SPP1: variants seen among roughly 807,000 people sequenced by gnomAD.
The protein encoded by SPP1 is secreted phosphoprotein 1.
Under a neutral mutation model 20.8 loss-of-function variants are expected in SPP1, and 18 were observed. The observed-to-expected ratio is 0.87, with a 90% confidence interval of 0.60 to 1.29. SPP1 has a LOEUF of 1.29. Ranked by LOEUF, SPP1 falls within the 50% of genes most tolerant of loss-of-function variation. The probability of loss-of-function intolerance (pLI) is 0.00; values close to 1 mark genes in which losing one functional copy is unlikely to be tolerated. For missense variants in SPP1, 363 were observed against 389.0 expected (o/e 0.93, Z 0.56); for synonymous variants, 146 against 141.5 (o/e 1.03, Z -0.23).
rs777782327 is a variant in SPP1, at chr4:87,982,587, C to T, written c.636C>T (p.Asn212=). Residue 212 remains asparagine, a synonymous_variant, in exon 7 of 7, where the codon AAC becomes AAT. Transcript: ENST00000395080. ...CCATCCCCGTTGCCCAGGACCTGAA[C>T]GCGCCTTCTGATTGGGACAGCCGTG... The part of the protein sequence containing the change: ...YKAIPVAQDL[N]APSDWDSRGK... The T allele has an allele frequency of 4.3e-6, 7 of 1,614,082 alleles. No homozygotes were observed. The highest frequency in any genetic ancestry group is 2.2e-5 in the East Asian group (1 of 44,870).
In SPP1 at chr4:87,983,231, C is replaced by T. The variant is rs1725736438; in HGVS notation, c.*335C>T. The T allele has an allele frequency of 5.6e-6, 1 of 179,304 alleles. No individual in the cohort carries two copies. The highest frequency in any genetic ancestry group is 1.2e-5 in the Non-Finnish European group (1 of 85,406). 11.1% of individuals were successfully genotyped at this position (179,304 alleles called of 1,614,324 possible). A position where few individuals can be genotyped will look rare whatever the true frequency, so the allele number is the denominator to read the frequency against. ...TTACCCACTTAAAAAGAGAATATAA[C>T]ATTTTATGTCACTATAATCTTTTGT... On this transcript the variant is annotated 3_prime_UTR_variant, in exon 7 of 7. Transcript: ENST00000395080.
chr4:87,979,778 G>A (rs1165267556), intron 3 of SPP1, among the ~76,000 whole-genome samples: 2 of 152,104 alleles, frequency 1.3e-5, no homozygotes, highest in East Asian at 3.9e-4. Context: ...TCTGTAAGGT[G>A]GGAATAATAA....
chr4:87,982,331 C>T lies in SPP1; in HGVS notation c.541-161C>T, dbSNP rs41359348. On this transcript the variant is annotated intron_variant, in intron 6 of 6. Transcript: ENST00000395080. ...AAATGAGATGACATATGTGAAAGGCCTTGGTAAAGTACTATACAAAGTAAC... is the reference window on the plus strand; with the variant it reads ...AAATGAGATGACATATGTGAAAGGCTTTGGTAAAGTACTATACAAAGTAAC... Among the ~76,000 whole-genome samples, 1,463 of 152,070 alleles carry T rather than the reference C, an allele frequency of 9.6e-3. 11 individuals are homozygous for T. The highest frequency in any genetic ancestry group is 0.017 in the Middle Eastern group (5 of 292).
chr4:87,978,388 CTTTTTTTTTTT>C (rs1159455110), intron 3 of SPP1, among the ~76,000 whole-genome samples: 3 of 89,680 alleles, frequency 3.3e-5, no homozygotes, highest in East Asian at 4.1e-4. Context: ...TTTCCGCCTT[CTTTTTTTTTTT>C]TTTTTTTTTT....
chr4:87,980,150 A>G, intron 4 of SPP1, 24 bp downstream of exon 4: 1 of 1,612,884 alleles, frequency 6.2e-7, no homozygotes, highest in Non-Finnish European at 8.5e-7. Context: ...TCTCATAATT[A>G]AACTACAGTG....
chr4:87,980,866 A>T (rs1170382022), intron 5 of SPP1, among the ~76,000 whole-genome samples: 1 of 152,188 alleles, frequency 6.6e-6, no homozygotes, highest in Non-Finnish European at 1.5e-5. Context: ...TTAAGATTCA[A>T]TTTGAATATA....
At position 87,982,536 on chromosome 4, in the gene SPP1, C is replaced by T. The variant is rs555643089; in HGVS notation, c.585C>T (p.Ser195=). 59 of 1,614,056 alleles carry T rather than the reference C, an allele frequency of 3.7e-5. No individual in the cohort carries two copies. Among genetic ancestry groups the T allele is most frequent in the Middle Eastern group, 1.7e-4 (1 of 6,060 alleles). Reference sequence around the variant, plus strand: ...AGGACATCACCTCACACATGGAAAGCGAGGAGTTGAATGGTGCATACAAGG... The same window carrying T: ...AGGACATCACCTCACACATGGAAAGTGAGGAGTTGAATGGTGCATACAAGG... ...TDEDITSHME[S]EELNGAYKAI... is the part of the protein sequence containing the mutation. Residue 195 remains serine, a synonymous_variant, in exon 7 of 7, where the codon AGC becomes AGT. Transcript: ENST00000395080.
At chr4:87,977,625 A>G (rs1032125278) in intron 3 of SPP1, 2 of 1,104,360 alleles carry the variant, frequency 1.8e-6, no homozygotes. Flanking sequence ...ACCAAACATA[A>G]GACCAACCAA....
At chr4:87,977,230 C>A in intron 3 of SPP1, 133 bp downstream of exon 3, 1 of 905,978 alleles carries the variant, frequency 1.1e-6, no homozygotes, top group South Asian at 1.5e-5. Context: ...TGATTGACTG[C>A]CTGCTATGAA....
At chr4:87,979,268 C>T (rs1725545553) in intron 3 of SPP1, among the ~76,000 whole-genome samples, 2 of 150,222 alleles carry the variant, frequency 1.3e-5, no homozygotes, top group South Asian at 4.2e-4. Context: ...GGGTTCACGC[C>T]ATTCTCTTGC....
chr4:87,980,460 C>T, intron 5 of SPP1, 26 bp downstream of exon 5: 1 of 1,612,256 alleles, frequency 6.2e-7, no homozygotes, highest in Non-Finnish European at 8.5e-7. Flanking sequence ...CAATCAGAGG[C>T]CCATCATGCC....
At chr4:87,979,161 CTTTTT>C (rs10596032) in intron 3 of SPP1, among the ~76,000 whole-genome samples, 144 of 107,230 alleles carry the variant, frequency 1.3e-3, no homozygotes, top group Non-Finnish European at 1.9e-3. Flanking sequence ...TTTTTATCTT[CTTTTT>C]TTTTTTTTTT....
At chr4:87,979,233 T>G (rs1354140373) in intron 3 of SPP1, among the ~76,000 whole-genome samples, 2 of 149,462 alleles carry the variant, frequency 1.3e-5, no homozygotes, top group African/African-American at 5.0e-5. Context: ...GGCGCAATCT[T>G]GGCTCACTGC....
intron 5 of SPP1, among the ~76,000 whole-genome samples, 189 bp from the exon 6 acceptor site, chr4:87,981,286 T>C (rs887666336): frequency 6.6e-6 from 1 of 152,212 alleles, no homozygotes; most frequent in African/African-American, 2.4e-5. Flanking sequence ...TTCAGAATGT[T>C]ATTAATCCCT....
chr4:87,982,032 C>G (rs1725670239), intron 6 of SPP1, among the ~76,000 whole-genome samples: 1 of 151,810 alleles, frequency 6.6e-6, no homozygotes, highest in Non-Finnish European at 1.5e-5. Flanking sequence ...TTTTTGAAAT[C>G]CTGGATCACT....
At chr4:87,978,431 C>G (rs1176909012) in intron 3 of SPP1, among the ~76,000 whole-genome samples, 1 of 141,248 alleles carries the variant, frequency 7.1e-6, no homozygotes, top group Non-Finnish European at 1.5e-5. Flanking sequence ...AGTCTCGCTC[C>G]GTCGCCCAGG....
intron 5 of SPP1, among the ~76,000 whole-genome samples, chr4:87,981,179 T>C (rs1725624485): frequency 6.6e-6 from 1 of 152,206 alleles, no homozygotes; most frequent in Admixed American, 6.5e-5. Flanking sequence ...TTAATATGTA[T>C]AAGGAAAAAC....
At position 87,982,798 on chromosome 4, in the gene SPP1, G is replaced by C. The variant is rs867038723; in HGVS notation, c.847G>C (p.Asp283His). The C allele has an allele frequency of 1.2e-6, 2 of 1,614,190 alleles. No homozygotes were observed. The highest frequency in any genetic ancestry group is 8.5e-7 in the Non-Finnish European group (1 of 1,180,024). Residue 283 changes from aspartate to histidine, a missense_variant, in exon 7 of 7, where the codon GAT (aspartate) becomes CAT (histidine). Asp to His is a moderately conservative substitution (Grantham distance 81). Coordinates refer to ENST00000395080, the MANE Select transcript of SPP1 (RefSeq NM_001040058.2). Reference protein sequence around the residue: ...FHSHEFHSHEDMLVVDPKSKE... With the variant: ...FHSHEFHSHEHMLVVDPKSKE... ...CAGCCATGAATTTCACAGCCATGAA[G>C]ATATGCTGGTTGTAGACCCCAAAAG...
chr4:87,982,359 G>A, intron 6 of SPP1, 133 bp from the exon 7 acceptor site: 1 of 1,030,990 alleles, frequency 9.7e-7, no homozygotes, highest in Non-Finnish European at 1.4e-6. Context: ...AAAGTAACAT[G>A]CTAGTATTAT....
Sources: allele counts gnomAD v4.1 joint callset (sites outside exome capture counted in the v4.1 genomes callset), GRCh38; gene constraint gnomAD v4.1.1; transcripts MANE v1.5; gene names NCBI Gene and HGNC (gene_info 2026-07-23, HGNC 2026-07-21).